NR2C2: variants seen among roughly 807,000 people sequenced by gnomAD.
The protein encoded by NR2C2 is Nuclear hormone receptor TR4.
Under a neutral mutation model 62.9 loss-of-function variants are expected in NR2C2, and 6 were observed. The observed-to-expected ratio is 0.10, with a 90% CI of 0.05 to 0.19. The LOEUF is 0.19. Among genes scored for constraint, NR2C2 ranks in the 10% least tolerant of loss-of-function variants. The probability of loss-of-function intolerance (pLI) is 1.00; values close to 1 mark genes in which losing one functional copy is unlikely to be tolerated. For missense variants in NR2C2, 479 were observed against 762.7 expected, an observed-to-expected ratio of 0.63 and a Z score of 4.38; for synonymous variants, 272 against 273.8, an observed-to-expected ratio of 0.99 and a Z score of 0.07.
chr3:14,962,067 T>G (rs1238132071), intron 1 of NR2C2, among the ~76,000 whole-genome samples: 1 of 152,204 alleles, frequency 6.6e-6, no homozygotes, highest in Non-Finnish European at 1.5e-5. Flanking sequence ...TTCAGCATAC[T>G]GTGACAGGGA....
intron 1 of NR2C2, among the ~76,000 whole-genome samples, chr3:14,958,196 G>A (rs2039581974): frequency 6.6e-6 from 1 of 152,206 alleles, no homozygotes; most frequent in African/African-American, 2.4e-5. Context: ...GACAAGGACT[G>A]TTTATTCTCC....
chr3:15,022,398 C>CTTTTTTTTTTTTTTTTTTTTTT (rs71038450), intron 5 of NR2C2, among the ~76,000 whole-genome samples: 4 of 89,140 alleles, frequency 4.5e-5, no homozygotes, highest in Admixed American at 1.4e-4. Flanking sequence ...CTTTTTCTTT[C>CTTTTTTTTTTTTTTTTTTTTTT]TTTTTTTTTT....
chr3:14,993,344 C>T (rs1017708377), intron 1 of NR2C2, among the ~76,000 whole-genome samples: 1 of 151,820 alleles, frequency 6.6e-6, no homozygotes, highest in Admixed American at 6.6e-5. Context: ...ATCCCAGCTG[C>T]TCGGGAGGCT....
chr3:15,004,747 C>A, intron 2 of NR2C2: 2 of 1,067,388 alleles, frequency 1.9e-6, no homozygotes, highest in Non-Finnish European at 2.7e-6. Flanking sequence ...TTTCTTCTTG[C>A]AGTTTTATCA....
rs1360942166 is a variant in NR2C2, at chr3:15,032,135, TG to T, written c.1111-239del. ...GCAAGACTTGAGGAGTATGTTTTTG[TG>T]GGGGTGGGCTGGGAAGATCCCCTTA... On this transcript the variant is annotated intron_variant, in intron 9 of 13. Coordinates refer to ENST00000425241, the MANE Select transcript of NR2C2 (RefSeq NM_001291694.2). 2.0e-5 allele frequency among the ~76,000 whole-genome samples: 3 copies of T among 152,298 alleles called. No homozygotes were observed. The East Asian group carries it at 5.8e-4, about 29-fold the overall frequency.
chr3:15,003,794 G>A (rs2041088378), intron 1 of NR2C2, 82 bp from the exon 2 acceptor site: 4 of 833,958 alleles, frequency 4.8e-6, no homozygotes, highest in Non-Finnish European at 8.0e-6. Context: ...AGGCCACAGT[G>A]AAAGCAAGAG....
intron 13 of NR2C2, among the ~76,000 whole-genome samples, chr3:15,040,795 G>A (rs2042238194): frequency 6.6e-6 from 1 of 152,168 alleles, no homozygotes; most frequent in African/African-American, 2.4e-5. Flanking sequence ...ATAGAGAATG[G>A]GACTGTCAGG....
At chr3:14,970,528 A>C (rs2040006120) in intron 1 of NR2C2, among the ~76,000 whole-genome samples, 1 of 151,978 alleles carries the variant, frequency 6.6e-6, no homozygotes, top group Non-Finnish European at 1.5e-5. Flanking sequence ...CATTCTTTCC[A>C]TGTCTCTGAA....
intron 1 of NR2C2, among the ~76,000 whole-genome samples, chr3:14,997,681 T>C (rs918253534): frequency 2.6e-5 from 4 of 152,208 alleles, no homozygotes; most frequent in African/African-American, 9.7e-5. Flanking sequence ...AAATACTGGA[T>C]TCTGTTGACT....
At chr3:14,971,810 C>CTT (rs533448715) in intron 1 of NR2C2, among the ~76,000 whole-genome samples, 45 of 135,458 alleles carry the variant, frequency 3.3e-4, no homozygotes, top group Non-Finnish European at 4.7e-4. Flanking sequence ...TTTCTTTTTT[C>CTT]TTTTTTTTTT....
At chr3:15,010,130 C>T (rs959120993) in intron 2 of NR2C2, among the ~76,000 whole-genome samples, 7 of 152,242 alleles carry the variant, frequency 4.6e-5, no homozygotes, top group South Asian at 2.1e-4. Flanking sequence ...CCTCCACAGC[C>T]GACTTAAATT....
intron 7 of NR2C2, 108 bp downstream of exon 7, chr3:15,024,316 A>T: frequency 2.8e-6 from 2 of 705,692 alleles, no homozygotes; most frequent in Non-Finnish European, 4.9e-6. Context: ...CCACATCAAA[A>T]GCATGACCTA....
At chr3:14,982,518 A>AT (rs528612035) in intron 1 of NR2C2, among the ~76,000 whole-genome samples, 18 of 151,590 alleles carry the variant, frequency 1.2e-4, no homozygotes, top group African/African-American at 3.6e-4. Context: ...GTTTTCTTTG[A>AT]TTTTTTTTCT....
intron 10 of NR2C2, among the ~76,000 whole-genome samples, chr3:15,033,639 C>CTTTTTTTTT (rs58524753): frequency 1.2e-5 from 1 of 84,828 alleles, no homozygotes; most frequent in Non-Finnish European, 2.2e-5. Flanking sequence ...TAACCTCAGG[C>CTTTTTTTTT]TTTTTTTTTT....
chr3:15,036,385 C>T (rs2042103523), intron 11 of NR2C2, among the ~76,000 whole-genome samples: 1 of 152,174 alleles, frequency 6.6e-6, no homozygotes, highest in African/African-American at 2.4e-5. Flanking sequence ...TGTAGTCTCT[C>T]CATGTGTAGC....
chr3:15,039,256 C>T, intron 13 of NR2C2, 29 bp downstream of exon 13: 1 of 1,461,906 alleles, frequency 6.8e-7, no homozygotes, highest in Non-Finnish European at 9.6e-7. Context: ...TGCGCTCTTG[C>T]TTGGGGCTGC....
intron 7 of NR2C2, 68 bp downstream of exon 7, chr3:15,024,276 G>T: frequency 9.3e-7 from 1 of 1,074,568 alleles, no homozygotes; most frequent in Non-Finnish European, 1.4e-6. Flanking sequence ...CTCTAACTGT[G>T]TGCACCACTT....
intron 1 of NR2C2, among the ~76,000 whole-genome samples, chr3:14,967,173 C>A (rs1464932596): frequency 6.6e-6 from 1 of 151,896 alleles, no homozygotes; most frequent in Non-Finnish European, 1.5e-5. Flanking sequence ...CTTTATAATC[C>A]TTTTTATTTC....
chr3:15,037,453 T>C (rs1360162418), intron 11 of NR2C2, among the ~76,000 whole-genome samples: 1 of 152,116 alleles, frequency 6.6e-6, no homozygotes, highest in African/African-American at 2.4e-5. Context: ...ACATATAAAA[T>C]TGTTCTGAAG....
Sources: gnomAD v4.1 joint callset for allele counts (sites outside exome capture counted in the v4.1 genomes callset) on GRCh38, gnomAD v4.1.1 for gene constraint, MANE v1.5 for transcripts, NCBI Gene and HGNC (gene_info 2026-07-23, HGNC 2026-07-21) for gene names.